Variants in SDK1 observed in about 807,000 individuals in gnomAD.
SDK1 encodes the protein protein sidekick-1.
SDK1 carries 157 observed loss-of-function variants against 245.5 expected under a neutral mutation model. The ratio of observed to expected loss-of-function variants is 0.64; its 90% CI spans 0.56 to 0.73. SDK1 has a LOEUF of 0.73. SDK1 is among the 30% of genes least tolerant of loss of function. The probability of loss-of-function intolerance (pLI) is 0.00; values close to 1 mark genes in which losing one functional copy is unlikely to be tolerated. For missense variants in SDK1, 3,583 were observed against 3,002.3 expected, an observed-to-expected ratio of 1.19 and a Z score of -4.52; for synonymous variants, 1,647 against 1,278.5, an observed-to-expected ratio of 1.29 and a Z score of -6.15.
chr7:3,344,018 CAAAA>C (rs397939224), intron 1 of SDK1, among the ~76,000 whole-genome samples: 3,746 of 122,532 alleles, frequency 0.031, 167 homozygotes, highest in African/African-American at 0.097. Context: ...CACATACAAC[CAAAA>C]AAAAAAAAAA....
chr7:3,905,878 C>T (rs1778895383), intron 5 of SDK1, among the ~76,000 whole-genome samples: 1 of 152,156 alleles, frequency 6.6e-6, no homozygotes, highest in Non-Finnish European at 1.5e-5. Context: ...CCCACCTCAG[C>T]CTCCCAAAGT....
At chr7:4,252,715 A>G (rs1402258768) in intron 44 of SDK1, among the ~76,000 whole-genome samples, 1 of 152,040 alleles carries the variant, frequency 6.6e-6, no homozygotes, top group Non-Finnish European at 1.5e-5. Context: ...TTAATTCTTT[A>G]AATGTTTGAT....
At chr7:4,029,228 T>TTTTTTTTTTTTTTGTGTG (rs746967075) in intron 17 of SDK1, among the ~76,000 whole-genome samples, 1 of 112,088 alleles carries the variant, frequency 8.9e-6, no homozygotes, top group African/African-American at 5.0e-5. Flanking sequence ...TTTTTTTTTT[T>TTTTTTTTTTTTTTGTGTG]TGTGAAGAAG....
intron 40 of SDK1, chr7:4,232,971 G>A (rs1028535267): frequency 4.6e-5 from 14 of 304,304 alleles, no homozygotes; most frequent in Non-Finnish European, 8.6e-5. Context: ...TATTTACTGT[G>A]GGGAGATATG....
chr7:3,657,554 C>T (rs1406300402), intron 4 of SDK1, among the ~76,000 whole-genome samples: 2 of 152,136 alleles, frequency 1.3e-5, no homozygotes, highest in African/African-American at 2.4e-5. Context: ...GCTCTCTCGT[C>T]ACTTTCTGCC....
intron 1 of SDK1, among the ~76,000 whole-genome samples, chr7:3,350,256 T>TG (rs779637135): frequency 5.9e-5 from 9 of 152,088 alleles, no homozygotes; most frequent in Non-Finnish European, 1.2e-4. Context: ...ACAATGAGTG[T>TG]GGAAAAAAAC....
Position 3,804,438 on chromosome 7 carries a change from T to C in SDK1, c.714-17012T>C, listed in dbSNP as rs542155062. On this transcript the variant is annotated intron_variant, in intron 4 of 44. Coordinates refer to ENST00000404826, the MANE Select transcript of SDK1 (RefSeq NM_152744.4). Reference sequence around the variant, plus strand: ...TTTCTGAGTTCTTTATTTTGCCCCATTGGCCTATTTGTCTTTTCCTTTGCC... The same window carrying C: ...TTTCTGAGTTCTTTATTTTGCCCCACTGGCCTATTTGTCTTTTCCTTTGCC... 1.1e-4 allele frequency among the ~76,000 whole-genome samples: 17 copies of C among 152,332 alleles called. No individual in the cohort carries two copies. In the South Asian group the frequency reaches 3.3e-3, roughly 30 times the overall value.
chr7:4,174,279 G>A lies in SDK1; in HGVS notation c.4858G>A (p.Glu1620Lys). Reference protein sequence around the residue: ...LLQGYRIYYRELEYEAGSGTE... With the variant: ...LLQGYRIYYRKLEYEAGSGTE... ...TCAGGGATACAGGATCTACTACAGG[G>A]AGCTGGAGTATGAAGCCGGGTCAGG... is the stretch of plus-strand genomic sequence containing the variant. The change falls in exon 33 of 45, where the codon GAG becomes AAG. Residue 1620 changes from glutamate to lysine, a missense_variant. Transcript: ENST00000404826. The A allele has an allele frequency of 6.2e-7, 1 of 1,613,782 alleles. No homozygotes were observed. Among genetic ancestry groups the A allele is most frequent in the Non-Finnish European group, 8.5e-7 (1 of 1,179,672 alleles).
At chr7:3,712,348 G>A (rs1028338525) in intron 4 of SDK1, among the ~76,000 whole-genome samples, 1 of 152,150 alleles carries the variant, frequency 6.6e-6, no homozygotes, top group Non-Finnish European at 1.5e-5. Flanking sequence ...ATCTGTCACT[G>A]TCTCCCATCA....
intron 1 of SDK1, among the ~76,000 whole-genome samples, chr7:3,396,149 G>T (rs1424283462): frequency 6.6e-6 from 1 of 151,600 alleles, no homozygotes; most frequent in African/African-American, 2.4e-5. Flanking sequence ...GACATGAGTT[G>T]TATTTCTATT....
At chr7:3,436,673 A>C (rs920222032) in intron 1 of SDK1, among the ~76,000 whole-genome samples, 1 of 152,192 alleles carries the variant, frequency 6.6e-6, no homozygotes, top group African/African-American at 2.4e-5. Context: ...TCTTATTTTT[A>C]TCGTGTAATA....
chr7:4,243,634 A>G (rs1212998167), intron 43 of SDK1, among the ~76,000 whole-genome samples: 3 of 152,016 alleles, frequency 2.0e-5, no homozygotes, highest in Non-Finnish European at 4.4e-5. Context: ...TGTGAGACTT[A>G]TTCACTCTCA....
intron 5 of SDK1, among the ~76,000 whole-genome samples, chr7:3,841,838 C>A (rs1780166563): frequency 2.0e-5 from 3 of 152,160 alleles, no homozygotes; most frequent in African/African-American, 7.2e-5. Context: ...GCTGGAATTG[C>A]AAGAGTGAGC....
At chr7:3,861,001 G>C (rs1015398057) in intron 5 of SDK1, among the ~76,000 whole-genome samples, 13 of 152,184 alleles carry the variant, frequency 8.5e-5, no homozygotes, top group African/African-American at 2.9e-4. Flanking sequence ...TCCCCACTTT[G>C]GCTCAAGTAA....
At chr7:3,317,457 T>C (rs1174747331) in intron 1 of SDK1, among the ~76,000 whole-genome samples, 2 of 152,206 alleles carry the variant, frequency 1.3e-5, no homozygotes, top group African/African-American at 2.4e-5. Context: ...CTGTTTCCTT[T>C]AGATGATTCT....
rs79421245 is a variant in SDK1, at chr7:3,405,334, G to T, written c.298+103450G>T. On this transcript the variant is annotated intron_variant, in intron 1 of 44. Transcript: ENST00000404826. ...GTAAAACTTAGACCCAATGTGTCCA[G>T]AAGATTCAGAGCCTTATCACTGCAC... 9.7e-3 allele frequency among the ~76,000 whole-genome samples: 1,473 copies of T among 152,244 alleles called. 25 individuals are homozygous for T. Among genetic ancestry groups the T allele is most frequent in the African/African-American group, 0.033 (1,388 of 41,530 alleles).
intron 4 of SDK1, among the ~76,000 whole-genome samples, chr7:3,814,748 T>C (rs1208340994): frequency 6.6e-6 from 1 of 151,128 alleles, no homozygotes; most frequent in Non-Finnish European, 1.5e-5. Flanking sequence ...CCCATGAGCA[T>C]GGAATGTTCT....
At chr7:3,310,154 G>A (rs1406470948) in intron 1 of SDK1, among the ~76,000 whole-genome samples, 1 of 152,168 alleles carries the variant, frequency 6.6e-6, no homozygotes, top group Non-Finnish European at 1.5e-5. Context: ...ACTGGAAATT[G>A]CTTTCTTTTT....
At chr7:3,755,390 G>A (rs1051409282) in intron 4 of SDK1, among the ~76,000 whole-genome samples, 4 of 152,136 alleles carry the variant, frequency 2.6e-5, no homozygotes, top group Non-Finnish European at 4.4e-5. Flanking sequence ...GGTTTCTCAC[G>A]CGGGTGGGAG....
Sources: allele counts gnomAD v4.1 joint callset (sites outside exome capture counted in the v4.1 genomes callset), GRCh38; gene constraint gnomAD v4.1.1; transcripts MANE v1.5; gene names NCBI Gene and HGNC (gene_info 2026-07-23, HGNC 2026-07-21).